The following ZNF407 variants were observed in gnomAD, a reference collection of about 807,000 sequenced individuals.
ZNF407 encodes the protein zinc finger protein 407.
Under a neutral mutation model 131.2 loss-of-function variants are expected in ZNF407, and 17 were observed. That is an observed-to-expected ratio of 0.13 (90% CI 0.09 to 0.19). The LOEUF is 0.19. Among genes scored for constraint, ZNF407 ranks in the 10% least tolerant of loss-of-function variants. The pLI, the probability that ZNF407 is intolerant of heterozygous loss-of-function variation, is 1.00. For missense variants in ZNF407, 2,681 were observed against 2,830.6 expected, an observed-to-expected ratio of 0.95 and a Z score of 1.20; for synonymous variants, 1,156 against 1,062.0, an observed-to-expected ratio of 1.09 and a Z score of -1.72.
At chr18:75,012,929 A>T in intron 8 of ZNF407, among the ~76,000 whole-genome samples, 1 of 143,524 alleles carries the variant, frequency 7.0e-6, no homozygotes, top group Non-Finnish European at 1.5e-5. Flanking sequence ...AGTATTACTA[A>T]TGATAGAAAG....
At chr18:74,787,633 A>G (rs1969744850) in intron 4 of ZNF407, among the ~76,000 whole-genome samples, 2 of 152,176 alleles carry the variant, frequency 1.3e-5, no homozygotes, top group Non-Finnish European at 2.9e-5. Context: ...GACATCAAAT[A>G]TCTGGATTCC....
At chr18:74,863,566 T>C (rs1970968027) in intron 4 of ZNF407, among the ~76,000 whole-genome samples, 1 of 152,116 alleles carries the variant, frequency 6.6e-6, no homozygotes, top group Non-Finnish European at 1.5e-5. Flanking sequence ...AGTCTCCTTT[T>C]ATTTGACTAG....
At chr18:74,658,104 C>CTTTATTTATTTATTTATTTA (rs10641679) in intron 3 of ZNF407, among the ~76,000 whole-genome samples, 5 of 150,910 alleles carry the variant, frequency 3.3e-5, no homozygotes, top group African/African-American at 1.2e-4. Context: ...CAGCAGTTGT[C>CTTTATTTATTTATTTATTTA]TTTATTTATT....
intron 7 of ZNF407, among the ~76,000 whole-genome samples, chr18:74,894,373 T>A (rs550163467): frequency 5.9e-5 from 9 of 151,796 alleles, no homozygotes; most frequent in Non-Finnish European, 1.0e-4. Context: ...TGAAAAAAAA[T>A]AACATTTTTC....
At chr18:74,697,155 C>A (rs1967379094) in intron 3 of ZNF407, among the ~76,000 whole-genome samples, 1 of 152,152 alleles carries the variant, frequency 6.6e-6, no homozygotes, top group Non-Finnish European at 1.5e-5. Flanking sequence ...TCTCTCCAAA[C>A]TCATAACTTG....
rs567604086 is a variant in ZNF407, at chr18:74,719,006, A to G, written c.4803-62422A>G. The stretch of plus-strand genomic sequence containing the variant: ...AGAATGTCTTTTTGAGTATTTTTTA[A>G]TTAAAAACTTTTTATAGGATATGAC... On this transcript the variant is annotated intron_variant, in intron 3 of 8. Coordinates refer to ENST00000299687, the MANE Select transcript of ZNF407 (RefSeq NM_017757.3). 2.0e-5 allele frequency among the ~76,000 whole-genome samples: 3 copies of G among 152,126 alleles called. No homozygotes were observed. In the East Asian group the frequency reaches 5.8e-4, roughly 29 times the overall value.
At chr18:75,036,450 C>A (rs988019406) in intron 8 of ZNF407, among the ~76,000 whole-genome samples, 3 of 152,176 alleles carry the variant, frequency 2.0e-5, no homozygotes, top group Admixed American at 2.0e-4. Context: ...AAGAATCAGA[C>A]CTACCTTGTT....
chr18:74,967,755 G>A (rs952899461), intron 8 of ZNF407, among the ~76,000 whole-genome samples: 1 of 152,154 alleles, frequency 6.6e-6, no homozygotes, highest in African/African-American at 2.4e-5. Context: ...TCAATGTTTT[G>A]CTAAAGGAAA....
intron 3 of ZNF407, among the ~76,000 whole-genome samples, chr18:74,732,657 C>T (rs1182526642): frequency 2.6e-5 from 4 of 152,218 alleles, no homozygotes; most frequent in African/African-American, 9.6e-5. Flanking sequence ...CTTTGTAATT[C>T]TCATAGAATT....
chr18:74,751,203 G>T (rs1968792214), intron 3 of ZNF407, among the ~76,000 whole-genome samples: 1 of 152,080 alleles, frequency 6.6e-6, no homozygotes, highest in South Asian at 2.1e-4. Context: ...AGATCCCAAA[G>T]ATGTATTCCT....
Position 75,048,993 on chromosome 18 carries a change from G to A in ZNF407, c.5429-14157G>A, listed in dbSNP as rs1315420992. On this transcript the variant is annotated intron_variant, in intron 8 of 8. Transcript: ENST00000299687. This position sits in a 1 kb window ranked among gnomAD's most constrained non-coding sequence, Gnocchi z 4.1. ...CTTGGCTGGCCTGGATGCAGTGGGG[G>A]CAGTGCTGCCAGCCACGCTCCTTGA... 6.6e-6 allele frequency among the ~76,000 whole-genome samples: 1 copy of A among 151,926 alleles called. No homozygotes were observed. Among genetic ancestry groups the A allele is most frequent in the Non-Finnish European group, 1.5e-5 (1 of 68,004 alleles).
chr18:74,844,010 G>A (rs1970668515), intron 4 of ZNF407, among the ~76,000 whole-genome samples: 1 of 152,146 alleles, frequency 6.6e-6, no homozygotes, highest in South Asian at 2.1e-4. Context: ...AGATGAAAGT[G>A]TTGAATTTCA....
intron 8 of ZNF407, among the ~76,000 whole-genome samples, chr18:75,024,605 CTG>C (rs1233620945): frequency 6.6e-6 from 1 of 152,110 alleles, no homozygotes; most frequent in African/African-American, 2.4e-5. Context: ...ATTTAAAGCT[CTG>C]TGTAATGGTG....
intron 3 of ZNF407, among the ~76,000 whole-genome samples, chr18:74,654,438 A>C (rs898914545): frequency 6.6e-6 from 1 of 151,874 alleles, no homozygotes; most frequent in Non-Finnish European, 1.5e-5. Context: ...AAACTGAAAA[A>C]TATAGTGCAA....
At chr18:74,950,918 A>G (rs79787030) in intron 8 of ZNF407, among the ~76,000 whole-genome samples, 5,604 of 152,300 alleles carry the variant, frequency 0.037, 376 homozygotes, top group African/African-American at 0.13. Context: ...ACCTTTTGCT[A>G]CTGCCTTTAC....
chr18:74,824,794 G>T (rs1032680596), intron 4 of ZNF407, among the ~76,000 whole-genome samples: 1 of 152,192 alleles, frequency 6.6e-6, no homozygotes, highest in Non-Finnish European at 1.5e-5. Flanking sequence ...ACCAAGAAGA[G>T]CTGGTACCTT....
At chr18:74,965,260 A>AT (rs1972397085) in intron 8 of ZNF407, among the ~76,000 whole-genome samples, 1 of 151,948 alleles carries the variant, frequency 6.6e-6, no homozygotes, top group African/African-American at 2.4e-5. Flanking sequence ...ATTCTTTCCA[A>AT]TTTTTTTATA....
chr18:75,003,193 T>C (rs1972868281), intron 8 of ZNF407, among the ~76,000 whole-genome samples: 1 of 152,260 alleles, frequency 6.6e-6, no homozygotes, highest in Non-Finnish European at 1.5e-5. Context: ...TCATTGTATT[T>C]CTCATGTTGA....
intron 8 of ZNF407, among the ~76,000 whole-genome samples, chr18:74,942,011 G>GTGT (rs1367195433): frequency 3.9e-5 from 6 of 152,220 alleles, no homozygotes; most frequent in African/African-American, 1.4e-4. Flanking sequence ...GATGCTCCAT[G>GTGT]TGTTGGGTTG....
Sources: allele counts gnomAD v4.1 joint callset (sites outside exome capture counted in the v4.1 genomes callset), GRCh38; gene constraint gnomAD v4.1.1; non-coding constraint Gnocchi (gnomAD v3.1); transcripts MANE v1.5; gene names NCBI Gene and HGNC (gene_info 2026-07-23, HGNC 2026-07-21).